The following SRBD1 variants were observed in gnomAD, a reference collection of about 807,000 sequenced individuals.
SRBD1 encodes the protein S1 RNA-binding domain-containing protein 1.
SRBD1 carries 88 observed loss-of-function variants against 115.3 expected under a neutral mutation model. The ratio of observed to expected loss-of-function variants is 0.76; its 90% CI spans 0.64 to 0.91. SRBD1 has a LOEUF of 0.91. SRBD1 is among the 40% of genes least tolerant of loss of function. SRBD1 has a pLI of 0.00. For synonymous variants in SRBD1, 509 were observed against 407.7 expected (o/e 1.25, Z -2.99); for missense variants, 1,385 against 1,177.4 (o/e 1.18, Z -2.58).
chr2:45,481,044 C>T (rs571285180), intron 15 of SRBD1, among the ~76,000 whole-genome samples: 4 of 152,190 alleles, frequency 2.6e-5, no homozygotes, highest in East Asian at 1.9e-4. Flanking sequence ...AACATCAAGG[C>T]GAGACTCTCC....
Position 45,546,804 on chromosome 2 carries a change from C to A in SRBD1, c.1802G>T (p.Cys601Phe), listed in dbSNP as rs774333273. 9 of 1,614,140 alleles carry A rather than the reference C, an allele frequency of 5.6e-6. No individual in the cohort carries two copies. The highest frequency in any genetic ancestry group is 2.2e-5 in the East Asian group (1 of 44,874). Residue 601 changes from cysteine to phenylalanine, a missense_variant, in exon 14 of 21, where the codon TGC becomes TTC. Cys to Phe is a radical substitution (Grantham distance 205). Coordinates refer to ENST00000263736, the MANE Select transcript of SRBD1 (RefSeq NM_018079.5). ...STVVIGNGTA[C>F]RETEAYFADL... ...AGCAAAGTAAGCTTCTGTTTCCCTG[C>A]AGGCAGTTCCATTTCCAATCACTAC...
intron 5 of SRBD1, among the ~76,000 whole-genome samples, chr2:45,582,571 C>T (rs979029831): frequency 3.9e-5 from 6 of 152,064 alleles, no homozygotes; most frequent in Non-Finnish European, 5.9e-5. Flanking sequence ...TTATTTATAT[C>T]ACTATAGATT....
intron 14 of SRBD1, among the ~76,000 whole-genome samples, chr2:45,526,051 C>G (rs184826208): frequency 6.6e-6 from 1 of 151,996 alleles, no homozygotes; most frequent in Non-Finnish European, 1.5e-5. Flanking sequence ...GGAAAACAGT[C>G]TGCAGTTCCC....
chr2:45,591,298 G>A (rs976800823), intron 4 of SRBD1, among the ~76,000 whole-genome samples: 1 of 152,168 alleles, frequency 6.6e-6, no homozygotes, highest in Non-Finnish European at 1.5e-5. Context: ...CAGCAGAAGA[G>A]GACAGCTTTG....
intron 14 of SRBD1, among the ~76,000 whole-genome samples, chr2:45,497,309 T>C (rs533518896): frequency 2.0e-5 from 3 of 152,330 alleles, no homozygotes; most frequent in African/African-American, 4.8e-5. Context: ...TTTACTGTCA[T>C]TGCCCTATAA....
chr2:45,415,650 AGGG>A (rs1333920318), intron 18 of SRBD1, among the ~76,000 whole-genome samples: 1 of 10,520 alleles, frequency 9.5e-5, no homozygotes, highest in Non-Finnish European at 1.6e-4. Context: ...AAAGGAGGGG[AGGG>A]GAGGGGAGGG....
chr2:45,449,524 C>T (rs1558402734), intron 16 of SRBD1, among the ~76,000 whole-genome samples: 1 of 152,044 alleles, frequency 6.6e-6, no homozygotes, highest in Non-Finnish European at 1.5e-5. Flanking sequence ...TTTACCGATC[C>T]TCTGAAATCC....
chr2:45,473,186 A>G (rs1212382975), intron 16 of SRBD1, among the ~76,000 whole-genome samples: 3 of 151,884 alleles, frequency 2.0e-5, no homozygotes, highest in African/African-American at 7.2e-5. Context: ...CTCATGATTT[A>G]TATTAAATAT....
chr2:45,403,331 CA>C (rs3835986), intron 19 of SRBD1, among the ~76,000 whole-genome samples: 19 of 149,914 alleles, frequency 1.3e-4, no homozygotes, highest in African/African-American at 3.2e-4. Context: ...TTAGATTATA[CA>C]AAAAAAAAAT....
chr2:45,414,817 T>C lies in SRBD1; in HGVS notation c.2334-1524A>G, dbSNP rs866870996. 1.5e-3 allele frequency among the ~76,000 whole-genome samples: 199 copies of C among 133,168 alleles called. 1 individual carries two copies. Among genetic ancestry groups the C allele is most frequent in the African/African-American group, 2.0e-3 (61 of 30,436 alleles). The allele number at this position is 133,168 out of a possible 152,430, so 87.4% of individuals were successfully genotyped here. On this transcript the variant is annotated intron_variant, in intron 18 of 20. Coordinates refer to ENST00000263736, the MANE Select transcript of SRBD1 (RefSeq NM_018079.5). ...TGTATATAGTATGTACACACACATA[T>C]AGTGTGTATATAGTATGTACACACA... is the stretch of plus-strand genomic sequence containing the variant.
In SRBD1 at chr2:45,389,501, CAA is replaced by C; in HGVS notation, c.2795_2796del (p.Phe932TrpfsTer49). ...LTGKVENATL[F>X]GIFVDIGVGK... Reference sequence around the variant, plus strand: ...CCCACTCCTATATCCACAAAAATTCCAAAGAGAGTGGCATTCTCAACTTTGCC... The same window carrying C: ...CCCACTCCTATATCCACAAAAATTCCAGAGAGTGGCATTCTCAACTTTGCC... On this transcript the variant is annotated frameshift_variant, in exon 21 of 21. Transcript: ENST00000263736. LOFTEE classifies it high-confidence loss of function. 1 of 1,614,032 alleles carries C rather than the reference CAA, an allele frequency of 6.2e-7. No homozygotes were observed. Among genetic ancestry groups the C allele is most frequent in the African/African-American group, 1.3e-5 (1 of 75,028 alleles).
chr2:45,392,230 C>T (rs1201066188), intron 20 of SRBD1, among the ~76,000 whole-genome samples: 2 of 152,170 alleles, frequency 1.3e-5, no homozygotes, highest in South Asian at 2.1e-4. Flanking sequence ...CTAACCATCT[C>T]AATGCAGCCT....
At chr2:45,608,842 C>T (rs967128568) in intron 1 of SRBD1, among the ~76,000 whole-genome samples, 16 of 149,420 alleles carry the variant, frequency 1.1e-4, no homozygotes, top group Non-Finnish European at 1.5e-4. Flanking sequence ...TTTTTTGAGA[C>T]GGTCTCACTC....
intron 14 of SRBD1, among the ~76,000 whole-genome samples, chr2:45,498,928 G>A (rs559497318): frequency 3.3e-5 from 5 of 152,110 alleles, no homozygotes; most frequent in African/African-American, 1.2e-4. Context: ...CCATATCTTG[G>A]CTAATGTGAA....
intron 4 of SRBD1, among the ~76,000 whole-genome samples, chr2:45,591,731 G>T (rs1405500402): frequency 6.6e-6 from 1 of 152,204 alleles, no homozygotes; most frequent in Admixed American, 6.5e-5. Context: ...TTGGGTGATG[G>T]TTCAGCAATT....
At chr2:45,463,913 T>G (rs1041176551) in intron 16 of SRBD1, among the ~76,000 whole-genome samples, 4 of 152,168 alleles carry the variant, frequency 2.6e-5, no homozygotes, top group African/African-American at 9.7e-5. Flanking sequence ...ACTTACATTT[T>G]GATGAATAAG....
chr2:45,561,181 T>C (rs905878035), intron 10 of SRBD1, among the ~76,000 whole-genome samples: 1 of 152,192 alleles, frequency 6.6e-6, no homozygotes, highest in Non-Finnish European at 1.5e-5. Context: ...TTGCCACTAG[T>C]GAAATCATAC....
chr2:45,605,375 A>G lies in SRBD1; in HGVS notation c.67T>C (p.Ser23Pro). Residue 23 changes from serine (S) to proline (P), a missense_variant, in exon 2 of 21, where the codon TCA becomes CCA. Coordinates refer to ENST00000263736, the MANE Select transcript of SRBD1 (RefSeq NM_018079.5). ...CAGTATGCTTACAACTCAGAGAATG[A>G]AGAAAATTCATCTTTCAGTACCACA... is the stretch of plus-strand genomic sequence containing the variant. ...QDVVLKDEFS[S>P]FSELSSASEE... is the part of the protein sequence containing the mutation. 1 of 1,613,532 alleles carries G rather than the reference A, an allele frequency of 6.2e-7. No individual in the cohort carries two copies. The highest frequency in any genetic ancestry group is 8.5e-7 in the Non-Finnish European group (1 of 1,179,910).
At chr2:45,584,641 A>G (rs1385830752) in intron 5 of SRBD1, among the ~76,000 whole-genome samples, 1 of 152,214 alleles carries the variant, frequency 6.6e-6, no homozygotes, top group Non-Finnish European at 1.5e-5. Flanking sequence ...ACACATTAAC[A>G]CAGTGCCCAT....
Sources: gnomAD v4.1 joint callset for allele counts (sites outside exome capture counted in the v4.1 genomes callset) on GRCh38, gnomAD v4.1.1 for gene constraint, MANE v1.5 for transcripts, NCBI Gene and HGNC (gene_info 2026-07-23, HGNC 2026-07-21) for gene names.